PIEZO2: variants seen among roughly 807,000 people sequenced by gnomAD.
The protein encoded by PIEZO2 is piezo-type mechanosensitive ion channel component 2.
A neutral mutation model predicts 337.3 loss-of-function variants in PIEZO2; 172 were observed. The ratio of observed to expected loss-of-function variants is 0.51; its 90% CI spans 0.45 to 0.58. The LOEUF (loss-of-function observed/expected upper bound fraction) is 0.58. Among genes scored for constraint, PIEZO2 ranks in the 20% least tolerant of loss-of-function variants. The pLI is 0.00. For synonymous variants in PIEZO2, 1,251 were observed against 1,228.5 expected (o/e 1.02, Z -0.38); for missense variants, 3,028 against 3,391.3 (o/e 0.89, Z 2.66).
At chr18:10,751,517 G>A (rs2037643806) in intron 28 of PIEZO2, among the ~76,000 whole-genome samples, 1 of 152,120 alleles carries the variant, frequency 6.6e-6, no homozygotes, top group Non-Finnish European at 1.5e-5. Flanking sequence ...ACCTTTCAAT[G>A]GACTTCAGAC....
At position 10,780,383 on chromosome 18, in the gene PIEZO2, G is replaced by A. The variant is rs771339092; in HGVS notation, c.2493-17C>T. Reference sequence around the variant, plus strand: ...TTGGCATGGCTACGAGGTGGCAGACGGAAGCACAGGGATGCAATGAGGAGA... The same window carrying A: ...TTGGCATGGCTACGAGGTGGCAGACAGAAGCACAGGGATGCAATGAGGAGA... On this transcript the variant is annotated splice_polypyrimidine_tract_variant and intron_variant, in intron 17 of 55. Coordinates refer to ENST00000674853, the MANE Select transcript of PIEZO2 (RefSeq NM_001378183.1). 71 of 702,858 alleles carry A rather than the reference G, an allele frequency of 1.0e-4. 2 individuals are homozygous for A. The highest frequency in any genetic ancestry group is 1.5e-4 in the Non-Finnish European group (56 of 384,964). The allele number at this position is 702,858 out of a possible 1,614,324, so 43.5% of individuals were successfully genotyped here.
chr18:10,965,675 A>G (rs2033967072), intron 3 of PIEZO2, among the ~76,000 whole-genome samples: 1 of 152,246 alleles, frequency 6.6e-6, no homozygotes, highest in Non-Finnish European at 1.5e-5. Context: ...GAAATAAACA[A>G]CAGATTTATA....
At position 10,724,580 on chromosome 18, in the gene PIEZO2, G is replaced by T; in HGVS notation, c.5030-6321C>A. The T allele has an allele frequency of 1.7e-6, 1 of 589,274 alleles. No individual in the cohort carries two copies. Among genetic ancestry groups the T allele is most frequent in the Non-Finnish European group, 3.1e-6 (1 of 323,954 alleles). The allele number at this position is 589,274 out of a possible 1,614,324, so 36.5% of individuals were successfully genotyped here. On this transcript the variant is annotated intron_variant, in intron 36 of 55. Transcript: ENST00000674853. This position sits in a 1 kb window ranked among gnomAD's most constrained non-coding sequence, Gnocchi z 5.8. ...TCCCCAGAAGTCGACAGTGTGGGGA[G>T]TTGGAGTGACCCAGCTGGATGTGAC... is the stretch of plus-strand genomic sequence containing the variant.
At chr18:10,710,468 C>A (rs1429706875) in intron 39 of PIEZO2, among the ~76,000 whole-genome samples, 1 of 152,218 alleles carries the variant, frequency 6.6e-6, no homozygotes. Context: ...CCTGGGAATG[C>A]CCCTCAGAAT....
rs486001 is a variant in PIEZO2, at chr18:10,680,027, C to A, written c.7952+172G>T. Among the ~76,000 whole-genome samples the A allele has an allele frequency of 0.73, 110,378 of 151,894 alleles. 41,892 individuals carry two copies. Among genetic ancestry groups the A allele is most frequent in the Non-Finnish European group, 0.83 (56,436 of 67,936 alleles). ...TTCCTAGGCAAGTCATTATTTAATA[C>A]ATAAAAATGTTAGCTTTGGCATTGA... On this transcript the variant is annotated intron_variant, in intron 52 of 55. Coordinates refer to ENST00000674853, the MANE Select transcript of PIEZO2 (RefSeq NM_001378183.1).
rs144278584 is a variant in PIEZO2, at chr18:10,980,144, AT to A, written c.161-485del. Among the ~76,000 whole-genome samples, 31 of 152,136 alleles carry A rather than the reference AT, an allele frequency of 2.0e-4. No homozygotes were observed. The South Asian group carries it at 3.9e-3, about 19-fold the overall frequency. On this transcript the variant is annotated intron_variant, in intron 2 of 55. Coordinates refer to ENST00000674853, the MANE Select transcript of PIEZO2 (RefSeq NM_001378183.1). The surrounding 1 kb of genome is among the most constrained non-coding windows in gnomAD (Gnocchi z 4.8). ...GTTACTCATAACATAGATATGAATT[AT>A]TTTTTTTAAATGTGTTAACCAACTG...
chr18:11,069,799 G>T lies in PIEZO2; in HGVS notation c.65-3577C>A, dbSNP rs8089847. On this transcript the variant is annotated intron_variant, in intron 1 of 55. Transcript: ENST00000674853. This position sits in a 1 kb window ranked among gnomAD's most constrained non-coding sequence, Gnocchi z 4.9. Reference sequence around the variant, plus strand: ...ACCCTAAAGATTCAACCAAAAAATTGTTAGAACTAATTAATTCAGTAAAGT... The same window carrying T: ...ACCCTAAAGATTCAACCAAAAAATTTTTAGAACTAATTAATTCAGTAAAGT... 0.64 allele frequency among the ~76,000 whole-genome samples: 97,210 copies of T among 152,052 alleles called. 31,869 individuals are homozygous for T. The highest frequency in any genetic ancestry group is 0.97 in the East Asian group (5,018 of 5,178).
chr18:10,811,846 T>C (rs956068283), intron 7 of PIEZO2, among the ~76,000 whole-genome samples: 2 of 152,264 alleles, frequency 1.3e-5, no homozygotes, highest in Non-Finnish European at 2.9e-5. Context: ...TCTTTTTTGT[T>C]TTTTTGAGAC....
rs544125912 is a variant in PIEZO2 at position 10,916,380 on chromosome 18, C to T, written c.287-5152G>A. Among the ~76,000 whole-genome samples the T allele has an allele frequency of 1.6e-4, 25 of 152,262 alleles. No homozygotes were observed. The East Asian group carries it at 1.7e-3, about 11-fold the overall frequency. On this transcript the variant is annotated intron_variant, in intron 3 of 55. Transcript: ENST00000674853. ...AGGCTCGGGCCTGTGCTGCAGCCAA[C>T]CGCGGTAGGGCTCAGGCATGGCAGG...
chr18:10,876,843 A>G (rs563821211), intron 4 of PIEZO2, among the ~76,000 whole-genome samples: 1 of 152,112 alleles, frequency 6.6e-6, no homozygotes, highest in Admixed American at 6.5e-5. Flanking sequence ...TCCTCAACCC[A>G]CCACTGCTCA....
At chr18:10,768,799 GA>G (rs1956347988) in intron 21 of PIEZO2, among the ~76,000 whole-genome samples, 1 of 152,172 alleles carries the variant, frequency 6.6e-6, no homozygotes, top group African/African-American at 2.4e-5. Flanking sequence ...TAAGGATAAT[GA>G]AAAAGTTATG....
chr18:11,148,470 C>A lies in PIEZO2; in HGVS notation c.64+55G>T, dbSNP rs544896193. On this transcript the variant is annotated intron_variant, in intron 1 of 55. Coordinates refer to ENST00000674853, the MANE Select transcript of PIEZO2 (RefSeq NM_001378183.1). The surrounding 1 kb of genome is among the most constrained non-coding windows in gnomAD (Gnocchi z 5.2). Reference sequence around the variant, plus strand: ...CTTCACTTTGTTAAGAAGTCCCCCACCCAGGCGCCCCCCTCGTCCTCCTCA... The same window carrying A: ...CTTCACTTTGTTAAGAAGTCCCCCAACCAGGCGCCCCCCTCGTCCTCCTCA... The A allele has an allele frequency of 6.3e-4, 965 of 1,522,776 alleles. No individual in the cohort carries two copies. The highest frequency in any genetic ancestry group is 8.0e-4 in the Non-Finnish European group (909 of 1,134,102). The allele number at this position is 1,522,776 out of a possible 1,614,324, so 94.3% of individuals were successfully genotyped here.
chr18:11,093,298 G>A (rs549110527), intron 1 of PIEZO2, among the ~76,000 whole-genome samples: 1 of 152,270 alleles, frequency 6.6e-6, no homozygotes, highest in South Asian at 2.1e-4. Flanking sequence ...GGCAAACCCT[G>A]TCTATCTAAC....
Position 10,682,291 on chromosome 18 carries a change from C to G in PIEZO2, c.7499G>C (p.Arg2500Thr). The change falls in exon 50 of 56, where the codon AGA becomes ACA. Residue 2500 changes from arginine (R) to threonine (T), a missense_variant and splice_region_variant. This residue lies in a region of PIEZO2 where 179 missense variants were observed against 281.8 expected (regional missense o/e 0.64). Coordinates refer to ENST00000674853, the MANE Select transcript of PIEZO2 (RefSeq NM_001378183.1). The surrounding 1 kb of genome is among the most constrained non-coding windows in gnomAD (Gnocchi z 5.6). ...ILKCWRESEK[R>T]YPQPRGQKKK... ...CTTCTGGCCCCGTGGCTGAGGGTAT[C>G]TCTGCAACAGAGAGTTCAGACAAGG... is the stretch of plus-strand genomic sequence containing the variant. 2 of 1,534,276 alleles carry G rather than the reference C, an allele frequency of 1.3e-6. No individual in the cohort carries two copies. The highest frequency in any genetic ancestry group is 1.7e-6 in the Non-Finnish European group (2 of 1,145,280).
Position 11,067,837 on chromosome 18 carries a change from C to T in PIEZO2, c.65-1615G>A, listed in dbSNP as rs117928287. On this transcript the variant is annotated intron_variant, in intron 1 of 55. Coordinates refer to ENST00000674853, the MANE Select transcript of PIEZO2 (RefSeq NM_001378183.1). ...AGAAAATTAATAAGAAAACATCAGACTTAAACTACATTTTTGACCAAATGA... is the reference window on the plus strand; with the variant it reads ...AGAAAATTAATAAGAAAACATCAGATTTAAACTACATTTTTGACCAAATGA... 6.4e-3 allele frequency among the ~76,000 whole-genome samples: 974 copies of T among 152,322 alleles called. 1 individual carries two copies. Among genetic ancestry groups the T allele is most frequent in the Middle Eastern group, 0.024 (7 of 294 alleles).
At chr18:10,700,690 C>G (rs1306559953) in intron 43 of PIEZO2, among the ~76,000 whole-genome samples, 1 of 152,078 alleles carries the variant, frequency 6.6e-6, no homozygotes, top group Admixed American at 6.6e-5. Context: ...GTATTAAATA[C>G]TGAAATTTAA....
intron 2 of PIEZO2, among the ~76,000 whole-genome samples, chr18:11,053,980 C>T (rs111433426): frequency 4.3e-4 from 66 of 152,302 alleles, no homozygotes; most frequent in African/African-American, 1.5e-3. Flanking sequence ...GCCGAGATCA[C>T]ATCACTGCAC....
intron 3 of PIEZO2, among the ~76,000 whole-genome samples, chr18:10,934,627 TTGTGTGTACGTGTGTGTGTG>T (rs2032274535): frequency 8.6e-6 from 1 of 116,416 alleles, no homozygotes; most frequent in Admixed American, 9.0e-5. Flanking sequence ...ATTGTCAGTA[TTGTGTGTACGTGTGTGTGTG>T]TGTGTGTGTG....
At chr18:10,800,515 C>T in intron 10 of PIEZO2, 40 bp from the exon 11 acceptor site, 1 of 1,492,380 alleles carries the variant, frequency 6.7e-7, no homozygotes, top group African/African-American at 1.4e-5. Context: ...GTTACAGCAG[C>T]TCTGGGTTTT....
Sources: allele counts gnomAD v4.1 joint callset (sites outside exome capture counted in the v4.1 genomes callset), GRCh38; gene constraint gnomAD v4.1.1; regional missense constraint gnomAD v4.1.1; non-coding constraint Gnocchi (gnomAD v3.1); transcripts MANE v1.5; gene names NCBI Gene and HGNC (gene_info 2026-07-23, HGNC 2026-07-21).